ATAD2B: variants seen among roughly 807,000 people sequenced by gnomAD.
The protein encoded by ATAD2B is ATPase family AAA domain-containing protein 2B.
ATAD2B carries 40 observed loss-of-function variants against 167.6 expected under a neutral mutation model. That is an observed-to-expected ratio of 0.24 (90% CI 0.19 to 0.31). ATAD2B has a LOEUF of 0.31. ATAD2B is among the 10% of genes least tolerant of loss of function. ATAD2B has a pLI of 1.00. For missense variants in ATAD2B, 1,242 were observed against 1,757.2 expected (o/e 0.71, Z 5.24); for synonymous variants, 579 against 596.5 (o/e 0.97, Z 0.43).
the ATAD2B span, chr2:23,696,684 T>C: frequency 6.9e-6 from 4 of 578,220 alleles, no homozygotes; most frequent in South Asian, 8.7e-5. This position sits in a 1 kb window ranked among gnomAD's most constrained non-coding sequence, Gnocchi z 5.5. Flanking sequence ...GGCAGCAGGG[T>C]GTGGGATACA....
At chr2:23,880,126 C>T (rs941689398) in intron 7 of ATAD2B, among the ~76,000 whole-genome samples, 7 of 151,084 alleles carry the variant, frequency 4.6e-5, no homozygotes, top group African/African-American at 1.7e-4. Context: ...GTAAAGTGCT[C>T]AGTAAACTAT....
At chr2:23,885,920 G>T in intron 4 of ATAD2B, 91 bp from the exon 5 acceptor site, 1 of 723,848 alleles carries the variant, frequency 1.4e-6, no homozygotes, top group Non-Finnish European at 2.2e-6. Flanking sequence ...AATCATCTCT[G>T]ATGTGTAACT....
chr2:23,826,316 G>T (rs956306794), intron 15 of ATAD2B, among the ~76,000 whole-genome samples: 2 of 152,142 alleles, frequency 1.3e-5, no homozygotes, highest in Non-Finnish European at 2.9e-5. Context: ...TGCTGGTTAG[G>T]CCTCTTGTCC....
At chr2:23,862,820 AAT>A (rs1694614193) in intron 12 of ATAD2B, among the ~76,000 whole-genome samples, 1 of 152,162 alleles carries the variant, frequency 6.6e-6, no homozygotes, top group African/African-American at 2.4e-5. Flanking sequence ...ATAATCTAGC[AAT>A]ATATATGTTA....
intron 19 of ATAD2B, among the ~76,000 whole-genome samples, chr2:23,790,859 A>G (rs548105910): frequency 1.1e-4 from 17 of 152,328 alleles, no homozygotes; most frequent in African/African-American, 4.1e-4. Context: ...AAACAGTTCA[A>G]TAATGTTCAG....
At chr2:23,722,946 T>C in the ATAD2B span, among the ~76,000 whole-genome samples, 26 of 152,240 alleles carry the variant, frequency 1.7e-4, no homozygotes, top group African/African-American at 6.0e-4. Flanking sequence ...ATCTAGAATA[T>C]ACAAGGAACT....
chr2:23,714,072 C>A, the ATAD2B span, among the ~76,000 whole-genome samples: 1 of 152,058 alleles, frequency 6.6e-6, no homozygotes, highest in East Asian at 1.9e-4. Context: ...GCCATTACCC[C>A]CCGGTCCAAG....
At chr2:23,796,287 C>T (rs1189554671) in intron 19 of ATAD2B, among the ~76,000 whole-genome samples, 3 of 152,094 alleles carry the variant, frequency 2.0e-5, no homozygotes, top group African/African-American at 2.4e-5. Context: ...TGGCAAATTT[C>T]TAATATTTTA....
chr2:23,832,138 A>C (rs1689160073), intron 14 of ATAD2B: 1 of 441,176 alleles, frequency 2.3e-6, no homozygotes, highest in Non-Finnish European at 4.7e-6. Context: ...GGTTAATCAC[A>C]CCCTCCTCAT....
chr2:23,838,812 GTTCCA>G (rs1690417318), intron 13 of ATAD2B, among the ~76,000 whole-genome samples: 1 of 151,894 alleles, frequency 6.6e-6, no homozygotes, highest in South Asian at 2.1e-4. Context: ...TCTGGGCTCC[GTTCCA>G]TTCATCTATT....
intron 1 of ATAD2B, chr2:23,901,120 T>C (rs1700777223): frequency 6.2e-6 from 1 of 160,154 alleles, no homozygotes; most frequent in Non-Finnish European, 1.4e-5. Context: ...GAAACATGAG[T>C]CATCCACAGC....
intron 13 of ATAD2B, among the ~76,000 whole-genome samples, chr2:23,839,226 T>C (rs963407806): frequency 6.6e-6 from 1 of 152,126 alleles, no homozygotes; most frequent in Non-Finnish European, 1.5e-5. Context: ...AATATGCATA[T>C]CTTGTATAGC....
At chr2:23,808,899 A>C (rs368930849) in intron 18 of ATAD2B, 2 of 152,146 alleles carry the variant, frequency 1.3e-5, no homozygotes, top group South Asian at 4.1e-4. Context: ...TGATTTTGCC[A>C]ATTTCACAGC....
chr2:23,694,322 G>C, the ATAD2B span, among the ~76,000 whole-genome samples: 3 of 152,158 alleles, frequency 2.0e-5, no homozygotes, highest in African/African-American at 7.2e-5. Context: ...GCTCATTCCT[G>C]CCTCCTTCCT....
intron 1 of ATAD2B, among the ~76,000 whole-genome samples, chr2:23,921,563 A>C (rs1330717821): frequency 6.6e-6 from 1 of 152,196 alleles, no homozygotes; most frequent in African/African-American, 2.4e-5. Context: ...AAAATGATTT[A>C]AGGAATTAGT....
In ATAD2B at chr2:23,823,556, G is replaced by A. The variant is rs75866363; in HGVS notation, c.1833C>T (p.Ala611=). 0.059 allele frequency: 94,861 copies of A among 1,611,440 alleles called. 3,175 individuals are homozygous for A. The highest frequency in any genetic ancestry group is 0.094 in the Middle Eastern group (464 of 4,940). ...LAEKCVGYCG[A]DIKALCTEAA... ...CTTCAGTGCACAGGGCCTTGATATC[G>A]GCTCCACAGTAGCCTAATACACAAA... Residue 611 remains alanine (A), a synonymous_variant, in exon 16 of 28, where the codon GCC becomes GCT. Coordinates refer to ENST00000238789, the MANE Select transcript of ATAD2B (RefSeq NM_017552.4).
At chr2:23,834,705 T>A (rs535619532) in intron 13 of ATAD2B, among the ~76,000 whole-genome samples, 3 of 151,084 alleles carry the variant, frequency 2.0e-5, no homozygotes, top group African/African-American at 7.3e-5. Flanking sequence ...ATATATATAA[T>A]GAACATTACA....
the ATAD2B span, among the ~76,000 whole-genome samples, chr2:23,680,025 G>GCTGC: frequency 6.6e-6 from 1 of 152,208 alleles, no homozygotes; most frequent in Non-Finnish European, 1.5e-5. This position sits in a 1 kb window ranked among gnomAD's most constrained non-coding sequence, Gnocchi z 4.1. Context: ...AGAGGGCTGT[G>GCTGC]CTGCCCCTTC....
intron 13 of ATAD2B, among the ~76,000 whole-genome samples, chr2:23,853,340 T>C (rs1275849630): frequency 7.2e-5 from 11 of 152,200 alleles, no homozygotes; most frequent in African/African-American, 2.7e-4. Context: ...AACCACAAAA[T>C]AGCTAATAGA....
Sources: allele counts gnomAD v4.1 joint callset (sites outside exome capture counted in the v4.1 genomes callset), GRCh38; gene constraint gnomAD v4.1.1; non-coding constraint Gnocchi (gnomAD v3.1); transcripts MANE v1.5; gene names NCBI Gene and HGNC (gene_info 2026-07-23, HGNC 2026-07-21).